SYT1: variants seen among roughly 807,000 people sequenced by gnomAD.
SYT1 encodes the protein synaptotagmin-1.
Under a neutral mutation model 44.8 loss-of-function variants are expected in SYT1, and 8 were observed. The observed-to-expected ratio is 0.18, with a 90% CI of 0.10 to 0.32. The LOEUF (loss-of-function observed/expected upper bound fraction) is 0.32. Ranked by LOEUF, SYT1 falls within the 10% of genes least tolerant of loss-of-function variation. SYT1 has a pLI of 1.00. For missense variants in SYT1, 286 were observed against 509.3 expected, an observed-to-expected ratio of 0.56 and a Z score of 4.22; for synonymous variants, 154 against 188.8, an observed-to-expected ratio of 0.82 and a Z score of 1.51.
chr12:79,164,212 T>C (rs1285038819), intron 3 of SYT1, among the ~76,000 whole-genome samples: 1 of 152,098 alleles, frequency 6.6e-6, no homozygotes, highest in Non-Finnish European at 1.5e-5. Context: ...TGCTTTACCA[T>C]CGGGGATAAA....
intron 2 of SYT1, among the ~76,000 whole-genome samples, chr12:79,000,967 A>G (rs1430807563): frequency 6.6e-6 from 1 of 152,188 alleles, no homozygotes; most frequent in Non-Finnish European, 1.5e-5. Flanking sequence ...CTGTCAACAG[A>G]AAGTTTCAAA....
intron 8 of SYT1, among the ~76,000 whole-genome samples, chr12:79,333,129 C>T (rs549145041): frequency 2.1e-4 from 32 of 152,168 alleles, no homozygotes; most frequent in African/African-American, 7.5e-4. Context: ...TCCATTTAGG[C>T]TACTATAACA....
intron 4 of SYT1, among the ~76,000 whole-genome samples, chr12:79,274,117 A>G (rs1320026209): frequency 6.6e-6 from 1 of 152,188 alleles, no homozygotes; most frequent in East Asian, 1.9e-4. Context: ...AGAAACTCCC[A>G]AATGAGATTC....
chr12:79,202,708 T>A (rs1274907838), intron 3 of SYT1, among the ~76,000 whole-genome samples: 2 of 152,142 alleles, frequency 1.3e-5, no homozygotes, highest in Non-Finnish European at 2.9e-5. Context: ...GTCCACTGCT[T>A]CCTCACTTGC....
At chr12:79,147,568 G>A (rs1869997534) in intron 3 of SYT1, among the ~76,000 whole-genome samples, 1 of 152,094 alleles carries the variant, frequency 6.6e-6, no homozygotes. Context: ...GCTTTGTGAG[G>A]TTAAACAGTA....
At chr12:79,078,320 T>A (rs1419833077) in intron 3 of SYT1, among the ~76,000 whole-genome samples, 1 of 152,140 alleles carries the variant, frequency 6.6e-6, no homozygotes, top group Non-Finnish European at 1.5e-5. Context: ...CATCTCTAAA[T>A]AGTTAAGAAT....
At chr12:79,049,857 T>C (rs1874341489) in intron 3 of SYT1, among the ~76,000 whole-genome samples, 1 of 152,092 alleles carries the variant, frequency 6.6e-6, no homozygotes. Flanking sequence ...AAAATATTAC[T>C]ATAATATTGC....
In SYT1 at chr12:79,390,902, A is replaced by G. The variant is rs532550902; in HGVS notation, c.928+37283A>G. Among the ~76,000 whole-genome samples, 6 of 152,270 alleles carry G rather than the reference A, an allele frequency of 3.9e-5. No individual in the cohort carries two copies. In the South Asian group the frequency reaches 6.2e-4, roughly 16 times the overall value. On this transcript the variant is annotated intron_variant, in intron 9 of 10. Coordinates refer to ENST00000261205, the MANE Select transcript of SYT1 (RefSeq NM_005639.3). The stretch of plus-strand genomic sequence containing the variant: ...ATGAAGTAGCCTTCCCCAGAACCTG[A>G]CTTGCTACAGTCTAGACTGGTTGCT...
chr12:79,356,320 A>G (rs2136014090), intron 9 of SYT1, among the ~76,000 whole-genome samples: 1 of 151,834 alleles, frequency 6.6e-6, no homozygotes, highest in South Asian at 2.1e-4. Flanking sequence ...GCCATTAGCC[A>G]TTTGTTTACA....
intron 1 of SYT1, among the ~76,000 whole-genome samples, chr12:78,956,769 A>G (rs1246330007): frequency 3.9e-5 from 6 of 152,156 alleles, no homozygotes; most frequent in Non-Finnish European, 7.4e-5. Context: ...ATTTCTTGAC[A>G]TAAGTTCTAT....
chr12:79,201,809 A>T (rs1484837269), intron 3 of SYT1, among the ~76,000 whole-genome samples: 2 of 152,150 alleles, frequency 1.3e-5, no homozygotes, highest in Non-Finnish European at 2.9e-5. Flanking sequence ...AAAAATTATA[A>T]TAGGGCTTTT....
intron 2 of SYT1, among the ~76,000 whole-genome samples, chr12:79,005,040 G>A (rs886851851): frequency 6.6e-6 from 1 of 151,948 alleles, no homozygotes; most frequent in African/African-American, 2.4e-5. Flanking sequence ...ATAAAAAGAT[G>A]CTTATTGTGT....
At chr12:78,978,249 C>T (rs1014821852) in intron 2 of SYT1, among the ~76,000 whole-genome samples, 4 of 152,144 alleles carry the variant, frequency 2.6e-5, no homozygotes. Flanking sequence ...TGTCATGGTT[C>T]ATTATCTGTA....
chr12:79,179,546 G>GATATAGATATAGATTTAGAT (rs1872375144), intron 3 of SYT1, among the ~76,000 whole-genome samples: 2 of 127,470 alleles, frequency 1.6e-5, no homozygotes, highest in African/African-American at 6.5e-5. Context: ...TAGATATAGA[G>GATATAGATATAGATTTAGAT]ATATAGATAT....
chr12:79,125,833 T>A (rs564062197), intron 3 of SYT1, among the ~76,000 whole-genome samples: 13 of 152,294 alleles, frequency 8.5e-5, no homozygotes, highest in African/African-American at 3.1e-4. Context: ...CACAAAGGCC[T>A]CCTTATCAAA....
At chr12:79,263,421 T>C (rs1877945038) in intron 4 of SYT1, among the ~76,000 whole-genome samples, 2 of 152,188 alleles carry the variant, frequency 1.3e-5, no homozygotes, top group Non-Finnish European at 2.9e-5. Context: ...TTTTGTGTTT[T>C]ATATTCTTTC....
At chr12:79,222,368 A>ATTTG (rs2138581702) in intron 4 of SYT1, among the ~76,000 whole-genome samples, 1 of 124,730 alleles carries the variant, frequency 8.0e-6, no homozygotes, top group Non-Finnish European at 1.7e-5. Flanking sequence ...GCTACTATTT[A>ATTTG]TTTATTTACT....
intron 1 of SYT1, among the ~76,000 whole-genome samples, chr12:78,973,916 CAAAAAAAA>C (rs1162433648): frequency 0.01 from 94 of 9,056 alleles, no homozygotes; most frequent in East Asian, 0.032. Flanking sequence ...AGACGAACAC[CAAAAAAAA>C]AAAAAAAAAA....
At chr12:79,047,405 A>G (rs1198962069) in intron 3 of SYT1, 43 bp downstream of exon 3, 2 of 151,864 alleles carry the variant, frequency 1.3e-5, no homozygotes, top group Non-Finnish European at 3.0e-5. Flanking sequence ...AATCTGTAAA[A>G]TTAGAGCTTA....
Sources: gnomAD v4.1 joint callset for allele counts (sites outside exome capture counted in the v4.1 genomes callset) on GRCh38, gnomAD v4.1.1 for gene constraint, MANE v1.5 for transcripts, NCBI Gene and HGNC (gene_info 2026-07-23, HGNC 2026-07-21) for gene names.